Variants in CCSER1 observed in about 807,000 individuals in gnomAD.
CCSER1 encodes the protein serine-rich coiled-coil domain-containing protein 1.
CCSER1 carries 41 observed loss-of-function variants against 82.0 expected under a neutral mutation model. The ratio of observed to expected loss-of-function variants is 0.50; its 90% confidence interval spans 0.39 to 0.65. The LOEUF (loss-of-function observed/expected upper bound fraction) is 0.65, where lower values mean the gene tolerates loss of function less well. Among genes scored for constraint, CCSER1 ranks in the 30% least tolerant of loss-of-function variants. The pLI, the probability that CCSER1 is intolerant of heterozygous loss-of-function variation, is 0.00. For synonymous variants in CCSER1, 414 were observed against 383.9 expected, an observed-to-expected ratio of 1.08 and a Z score of -0.92; for missense variants, 1,119 against 1,064.2, an observed-to-expected ratio of 1.05 and a Z score of -0.72.
chr4:90,517,762 G>A (rs1390987258), intron 5 of CCSER1, among the ~76,000 whole-genome samples: 2 of 152,086 alleles, frequency 1.3e-5, no homozygotes, highest in African/African-American at 2.4e-5. Flanking sequence ...AGTCAGCAAA[G>A]GAATCCAATG....
intron 10 of CCSER1, among the ~76,000 whole-genome samples, chr4:91,552,979 C>G (rs1190183094): frequency 6.6e-6 from 1 of 151,342 alleles, no homozygotes; most frequent in Admixed American, 6.6e-5. Context: ...ATTTCGGATT[C>G]TCACCATTGA....
chr4:90,310,539 C>T (rs185951539), intron 2 of CCSER1, among the ~76,000 whole-genome samples: 33 of 152,082 alleles, frequency 2.2e-4, no homozygotes, highest in African/African-American at 7.5e-4. Context: ...ATTTTGCAGG[C>T]AAGAAGATGG....
chr4:90,744,143 G>A (rs897239748), intron 7 of CCSER1, among the ~76,000 whole-genome samples: 2 of 152,238 alleles, frequency 1.3e-5, no homozygotes, highest in East Asian at 1.9e-4. Flanking sequence ...ATTTGCACAC[G>A]GCCTGGAAAA....
intron 10 of CCSER1, among the ~76,000 whole-genome samples, chr4:91,193,071 G>T (rs978825421): frequency 1.3e-5 from 2 of 151,956 alleles, no homozygotes; most frequent in African/African-American, 4.8e-5. Context: ...CATGTGTTTT[G>T]TAATGAATAT....
chr4:91,260,829 C>T (rs1040038221), intron 10 of CCSER1, among the ~76,000 whole-genome samples: 1 of 151,998 alleles, frequency 6.6e-6, no homozygotes, highest in Non-Finnish European at 1.5e-5. Context: ...GGCGCGATCT[C>T]GGCTCACTGC....
Position 91,588,114 on chromosome 4 carries a change from A to C in CCSER1, c.2218-10458A>C, listed in dbSNP as rs977946413. Among the ~76,000 whole-genome samples the C allele has an allele frequency of 3.3e-5, 5 of 151,614 alleles. No individual in the cohort carries two copies. In the East Asian group the frequency reaches 9.7e-4, roughly 29 times the overall value. On this transcript the variant is annotated intron_variant, in intron 10 of 10. Coordinates refer to ENST00000509176, the MANE Select transcript of CCSER1 (RefSeq NM_001145065.2). The stretch of plus-strand genomic sequence containing the variant: ...TTGTTGATTTTTTTTCTATTTAAAA[A>C]TCAATTTTAGATCTTTTTAAGGATG...
chr4:90,883,115 C>T (rs1299814172), intron 8 of CCSER1, among the ~76,000 whole-genome samples: 4 of 151,946 alleles, frequency 2.6e-5, no homozygotes, highest in African/African-American at 9.7e-5. Flanking sequence ...TAAACCCCTC[C>T]AGTATGACTC....
chr4:90,141,321 T>G (rs1371639192), intron 1 of CCSER1, among the ~76,000 whole-genome samples: 1 of 152,210 alleles, frequency 6.6e-6, no homozygotes, highest in Non-Finnish European at 1.5e-5. Flanking sequence ...AAGATACCTT[T>G]ACACTAACAT....
chr4:91,000,492 T>C (rs747850812), intron 9 of CCSER1, among the ~76,000 whole-genome samples: 1 of 152,094 alleles, frequency 6.6e-6, no homozygotes, highest in African/African-American at 2.4e-5. Flanking sequence ...GGAATAGCAT[T>C]GATCTGTTGA....
chr4:91,169,485 G>A (rs895254076), intron 10 of CCSER1, among the ~76,000 whole-genome samples: 1 of 152,096 alleles, frequency 6.6e-6, no homozygotes, highest in Admixed American at 6.6e-5. Context: ...GCCAGGCATG[G>A]TGGCGGGTGC....
rs1727852981 is a variant in CCSER1, at chr4:90,918,463, T to G, written c.2095-4907T>G. 6 of 327,872 alleles carry G rather than the reference T, an allele frequency of 1.8e-5. 1 individual carries two copies. Among genetic ancestry groups the G allele is most frequent in the South Asian group, 1.5e-4 (6 of 38,832 alleles). 20.3% of individuals were successfully genotyped at this position (327,872 alleles called of 1,614,324 possible). A position where few individuals can be genotyped will look rare whatever the true frequency, so the allele number is the denominator to read the frequency against. The stretch of plus-strand genomic sequence containing the variant: ...ATCCCTAGTCACTTGAGACTTCATT[T>G]TAAAAGCCAGTTGTACTGGCTTTGC... On this transcript the variant is annotated intron_variant, in intron 8 of 10. Transcript: ENST00000509176.
chr4:91,139,002 A>G (rs968500330), intron 10 of CCSER1, among the ~76,000 whole-genome samples: 1 of 152,190 alleles, frequency 6.6e-6, no homozygotes, highest in African/African-American at 2.4e-5. Flanking sequence ...ATAGTACATC[A>G]TAGGTAGCTT....
At chr4:90,241,037 G>A (rs1705062517) in intron 1 of CCSER1, among the ~76,000 whole-genome samples, 1 of 152,204 alleles carries the variant, frequency 6.6e-6, no homozygotes, top group African/African-American at 2.4e-5. Flanking sequence ...TTATAAGCAA[G>A]TGAGGAAACT....
chr4:90,914,711 T>C (rs907228856), intron 8 of CCSER1, among the ~76,000 whole-genome samples: 1 of 120,530 alleles, frequency 8.3e-6, no homozygotes, highest in African/African-American at 4.2e-5. Context: ...AGGAGCTTTT[T>C]ATTGAAAAAA....
At chr4:91,187,632 A>G (rs1230419917) in intron 10 of CCSER1, among the ~76,000 whole-genome samples, 1 of 151,942 alleles carries the variant, frequency 6.6e-6, no homozygotes, top group African/African-American at 2.4e-5. Context: ...GCTCACTGCA[A>G]CCTCTGCCTC....
intron 6 of CCSER1, among the ~76,000 whole-genome samples, chr4:90,628,931 A>C (rs748953687): frequency 6.6e-6 from 1 of 152,182 alleles, no homozygotes; most frequent in Non-Finnish European, 1.5e-5. Context: ...CTTCATAGAC[A>C]TGTGAAGTGA....
At chr4:90,303,025 C>A (rs1039794551) in intron 1 of CCSER1, among the ~76,000 whole-genome samples, 13 of 151,994 alleles carry the variant, frequency 8.6e-5, no homozygotes, top group South Asian at 4.1e-4. Context: ...CTGAGAAACT[C>A]TCAAGGGAAA....
At chr4:91,178,115 G>A (rs1733598404) in intron 10 of CCSER1, among the ~76,000 whole-genome samples, 1 of 152,172 alleles carries the variant, frequency 6.6e-6, no homozygotes, top group East Asian at 1.9e-4. Flanking sequence ...ATGTAGTTGA[G>A]CGGTTTTGAG....
chr4:91,267,294 T>G (rs567131899), intron 10 of CCSER1, among the ~76,000 whole-genome samples: 2 of 152,206 alleles, frequency 1.3e-5, no homozygotes, highest in Admixed American at 6.5e-5. Context: ...ATTAGTTTTT[T>G]GGGGGGGTTC....
Sources: allele counts gnomAD v4.1 joint callset (sites outside exome capture counted in the v4.1 genomes callset), GRCh38; gene constraint gnomAD v4.1.1; transcripts MANE v1.5; gene names NCBI Gene and HGNC (gene_info 2026-07-23, HGNC 2026-07-21).